TRHDE: variants seen among roughly 807,000 people sequenced by gnomAD.
The protein encoded by TRHDE is thyrotropin releasing hormone degrading enzyme.
In TRHDE, 72 loss-of-function variants were observed where a neutral mutation model predicts 125.7. The observed-to-expected ratio is 0.57, with a 90% CI of 0.47 to 0.70. The LOEUF is 0.70. Among genes scored for constraint, TRHDE ranks in the 30% least tolerant of loss-of-function variants. The pLI is 0.00. For synonymous variants in TRHDE, 509 were observed against 509.1 expected (o/e 1.00, Z 0.00); for missense variants, 1,110 against 1,327.1 (o/e 0.84, Z 2.54).
At chr12:72,381,891 A>T (rs1293617752) in intron 3 of TRHDE, among the ~76,000 whole-genome samples, 1 of 152,212 alleles carries the variant, frequency 6.6e-6, no homozygotes, top group Non-Finnish European at 1.5e-5. Flanking sequence ...TCTGTAAGAA[A>T]TCCAGGTAGA....
chr12:72,274,183 G>T (rs1002653762), intron 1 of TRHDE, among the ~76,000 whole-genome samples: 19 of 152,312 alleles, frequency 1.2e-4, no homozygotes, highest in African/African-American at 4.6e-4. Context: ...GGTGGAGGTT[G>T]CCAAGGCCAG....
At chr12:72,444,091 T>G (rs1006334602) in intron 3 of TRHDE, among the ~76,000 whole-genome samples, 2 of 151,904 alleles carry the variant, frequency 1.3e-5, no homozygotes, top group Non-Finnish European at 2.9e-5. Context: ...CAAAATGCCT[T>G]GGCCTTGGGC....
chr12:72,579,776 G>T (rs1345728034), intron 12 of TRHDE, among the ~76,000 whole-genome samples: 1 of 152,074 alleles, frequency 6.6e-6, no homozygotes, highest in Non-Finnish European at 1.5e-5. Context: ...TTAGAATGAA[G>T]TAAAGGTCTA....
intron 2 of TRHDE, among the ~76,000 whole-genome samples, chr12:72,148,658 T>C (rs1876283874): frequency 1.3e-5 from 2 of 152,232 alleles, no homozygotes; most frequent in South Asian, 2.1e-4. Flanking sequence ...GCTGCAATTA[T>C]GGTTAAGTGT....
At chr12:72,595,865 C>T (rs1871917190) in intron 12 of TRHDE, among the ~76,000 whole-genome samples, 1 of 151,932 alleles carries the variant, frequency 6.6e-6, no homozygotes, top group Admixed American at 6.5e-5. Context: ...TATAACAGTC[C>T]TTGGCAGACT....
chr12:72,192,831 C>T (rs1040407128), intron 2 of TRHDE, among the ~76,000 whole-genome samples: 1 of 152,106 alleles, frequency 6.6e-6, no homozygotes, highest in South Asian at 2.1e-4. Context: ...CTTCAATAAG[C>T]AAATGAGTCT....
intron 1 of TRHDE, among the ~76,000 whole-genome samples, chr12:72,280,731 C>A (rs1474877523): frequency 6.6e-6 from 1 of 152,014 alleles, no homozygotes; most frequent in Non-Finnish European, 1.5e-5. Context: ...ATAGCAGGAA[C>A]CAGATAGCAG....
At chr12:72,426,718 T>TAA (rs75850525) in intron 3 of TRHDE, among the ~76,000 whole-genome samples, 2 of 137,698 alleles carry the variant, frequency 1.5e-5, no homozygotes, top group Admixed American at 1.5e-4. Context: ...AAAATAGATT[T>TAA]AAAAAAAAAA....
chr12:72,189,883 T>C (rs1002737579), intron 2 of TRHDE, among the ~76,000 whole-genome samples: 6 of 152,146 alleles, frequency 3.9e-5, no homozygotes, highest in Non-Finnish European at 7.4e-5. Context: ...GATCCAGTGG[T>C]GCTTGAAGTG....
At chr12:72,295,110 G>A (rs1880238777) in intron 2 of TRHDE, among the ~76,000 whole-genome samples, 1 of 141,504 alleles carries the variant, frequency 7.1e-6, no homozygotes, top group Admixed American at 7.2e-5. Context: ...TGGTTTGGGT[G>A]ACTGCAGCTG....
chr12:72,552,332 A>G (rs1449105971), intron 7 of TRHDE, among the ~76,000 whole-genome samples: 2 of 152,302 alleles, frequency 1.3e-5, no homozygotes, highest in Admixed American at 1.3e-4. Context: ...TGGATCTGAA[A>G]TGTTTTTTAA....
chr12:72,525,007 T>A (rs1191009024), intron 6 of TRHDE, among the ~76,000 whole-genome samples: 1 of 152,120 alleles, frequency 6.6e-6, no homozygotes, highest in Non-Finnish European at 1.5e-5. Context: ...TGTCCTTGAC[T>A]TAAATTTCCT....
chr12:72,272,177 G>GA (rs1369932361), upstream of TRHDE: 1 of 454,790 alleles, frequency 2.2e-6, no homozygotes, highest in Non-Finnish European at 4.4e-6. This position sits in a 1 kb window ranked among gnomAD's most constrained non-coding sequence, Gnocchi z 6.7. Context: ...AGTGGGGGGA[G>GA]AAAGCGAAAG....
chr12:72,213,001 T>C (rs1479552607), intron 2 of TRHDE, among the ~76,000 whole-genome samples: 2 of 152,096 alleles, frequency 1.3e-5, no homozygotes, highest in Non-Finnish European at 2.9e-5. Context: ...TATTTGGCAA[T>C]AGGAGGAATG....
chr12:72,277,425 T>C (rs1352033786), intron 1 of TRHDE, among the ~76,000 whole-genome samples: 2 of 152,224 alleles, frequency 1.3e-5, no homozygotes, highest in Non-Finnish European at 2.9e-5. Flanking sequence ...ATTTCTCCCA[T>C]TCACTTCGGT....
intron 1 of TRHDE, among the ~76,000 whole-genome samples, chr12:72,099,299 T>C (rs1875011803): frequency 6.6e-6 from 1 of 152,242 alleles, no homozygotes; most frequent in Admixed American, 6.5e-5. Context: ...GCAGTCTAAC[T>C]AATTTGAATC....
At chr12:72,567,687 A>G (rs1472676880) in intron 9 of TRHDE, among the ~76,000 whole-genome samples, 1 of 152,004 alleles carries the variant, frequency 6.6e-6, no homozygotes, top group Non-Finnish European at 1.5e-5. Context: ...TATTTTTTCC[A>G]TACTGGAATT....
intron 2 of TRHDE, among the ~76,000 whole-genome samples, chr12:72,320,581 G>GTGTA (rs1451734434): frequency 4.0e-5 from 6 of 150,452 alleles, no homozygotes; most frequent in African/African-American, 1.5e-4. Context: ...GTGTGTGTGT[G>GTGTA]TAGCAAGTAA....
chr12:72,149,908 C>T (rs185632967), intron 2 of TRHDE, among the ~76,000 whole-genome samples: 2 of 152,040 alleles, frequency 1.3e-5, no homozygotes, highest in African/African-American at 2.4e-5. Context: ...ATGGATACTC[C>T]ATAAGTACTT....
Sources: gnomAD v4.1 joint callset for allele counts (sites outside exome capture counted in the v4.1 genomes callset) on GRCh38, gnomAD v4.1.1 for gene constraint, Gnocchi (gnomAD v3.1) non-coding constraint, MANE v1.5 for transcripts, NCBI Gene and HGNC (gene_info 2026-07-23, HGNC 2026-07-21) for gene names.